Variants in GLCCI1 observed in about 807,000 individuals in gnomAD.
GLCCI1 encodes glucocorticoid-induced transcript 1 protein.
In GLCCI1, 24 loss-of-function variants were observed where a neutral mutation model predicts 52.2. That is an observed-to-expected ratio of 0.46 (90% CI 0.33 to 0.65). The LOEUF is 0.65. Among genes scored for constraint, GLCCI1 ranks in the 30% least tolerant of loss-of-function variants. The pLI, the probability that GLCCI1 is intolerant of heterozygous loss-of-function variation, is 0.02. For missense variants in GLCCI1, 704 were observed against 701.5 expected, an observed-to-expected ratio of 1.00 and a Z score of -0.04; for synonymous variants, 310 against 276.5, an observed-to-expected ratio of 1.12 and a Z score of -1.20.
At chr7:7,982,110 A>G (rs1314532138) in intron 1 of GLCCI1, 2 of 429,556 alleles carry the variant, frequency 4.7e-6, no homozygotes, top group African/African-American at 2.1e-5. Flanking sequence ...AGGAATGGCC[A>G]TTATAGTAAT....
chr7:8,081,611 G>C (rs1782995433), intron 6 of GLCCI1, among the ~76,000 whole-genome samples: 1 of 152,094 alleles, frequency 6.6e-6, no homozygotes, highest in African/African-American at 2.4e-5. Flanking sequence ...ATAAAAATCA[G>C]AAGAATTTCA....
chr7:8,085,656 G>A (rs1211523870), intron 7 of GLCCI1, among the ~76,000 whole-genome samples: 1 of 152,086 alleles, frequency 6.6e-6, no homozygotes, highest in Non-Finnish European at 1.5e-5. Flanking sequence ...TGATGGCTTA[G>A]CTCCTGGGAA....
chr7:7,983,790 A>G (rs932447532), intron 1 of GLCCI1, among the ~76,000 whole-genome samples: 3 of 152,220 alleles, frequency 2.0e-5, no homozygotes, highest in Non-Finnish European at 4.4e-5. Context: ...AAAATGCCTA[A>G]TAGTTTAGGT....
At chr7:7,996,150 C>A (rs1166636266) in intron 1 of GLCCI1, among the ~76,000 whole-genome samples, 1 of 152,094 alleles carries the variant, frequency 6.6e-6, no homozygotes, top group East Asian at 1.9e-4. Context: ...CTTTTGCTTA[C>A]AATATGACTT....
intron 3 of GLCCI1, among the ~76,000 whole-genome samples, chr7:8,045,579 C>T (rs1210506293): frequency 6.6e-6 from 1 of 152,164 alleles, no homozygotes; most frequent in East Asian, 1.9e-4. Context: ...GTGTTTTAGG[C>T]AGTGCAACTA....
At chr7:8,053,198 T>C (rs956191561) in intron 3 of GLCCI1, among the ~76,000 whole-genome samples, 5 of 151,990 alleles carry the variant, frequency 3.3e-5, no homozygotes, top group African/African-American at 1.2e-4. Context: ...TGCTTTAATC[T>C]TCTCTTGGTG....
At chr7:8,019,157 G>A (rs1380981637) in intron 2 of GLCCI1, among the ~76,000 whole-genome samples, 1 of 152,154 alleles carries the variant, frequency 6.6e-6, no homozygotes. Context: ...AGTGATCAGT[G>A]TATAGAACAC....
intron 3 of GLCCI1, among the ~76,000 whole-genome samples, chr7:8,033,598 A>G (rs1277912937): frequency 6.6e-6 from 1 of 152,164 alleles, no homozygotes; most frequent in Non-Finnish European, 1.5e-5. Context: ...ATTTCTGGGT[A>G]GTAGCTATGA....
Position 8,048,260 on chromosome 7 carries a change from A to G in GLCCI1, c.697-7173A>G, listed in dbSNP as rs1782178880. On this transcript the variant is annotated intron_variant, in intron 3 of 7. Transcript: ENST00000223145. Reference sequence around the variant, plus strand: ...GTTAGTGTATCTCTTACTCTCTCTTAGCCTCTAAAATTCTAGAAATAACCT... The same window carrying G: ...GTTAGTGTATCTCTTACTCTCTCTTGGCCTCTAAAATTCTAGAAATAACCT... Among the ~76,000 whole-genome samples the G allele has an allele frequency of 4.6e-5, 7 of 151,550 alleles. No individual in the cohort carries two copies. The South Asian group carries it at 1.3e-3, about 27-fold the overall frequency.
chr7:8,010,992 G>GCA (rs945793273), intron 2 of GLCCI1, among the ~76,000 whole-genome samples: 6 of 151,662 alleles, frequency 4.0e-5, no homozygotes, highest in African/African-American at 1.5e-4. Context: ...GGTAGCCTGT[G>GCA]CTTGTAATCT....
chr7:8,061,101 C>G (rs1172538771), intron 5 of GLCCI1, among the ~76,000 whole-genome samples: 1 of 138,910 alleles, frequency 7.2e-6, no homozygotes, highest in Non-Finnish European at 1.6e-5. Flanking sequence ...TGCTAGTGAT[C>G]TTTTTTTTTT....
At chr7:8,023,076 C>T (rs987505768) in intron 3 of GLCCI1, among the ~76,000 whole-genome samples, 5 of 152,128 alleles carry the variant, frequency 3.3e-5, no homozygotes, top group Admixed American at 1.3e-4. Flanking sequence ...AATGCGGTGG[C>T]GCAATCTTGG....
At chr7:7,995,975 TTGTTGTTG>T (rs1780930525) in intron 1 of GLCCI1, among the ~76,000 whole-genome samples, 1 of 152,178 alleles carries the variant, frequency 6.6e-6, no homozygotes, top group South Asian at 2.1e-4. Flanking sequence ...TTTATAACCT[TTGTTGTTG>T]TGCTCTTGTT....
rs183134402 is a variant in GLCCI1, at chr7:8,075,146, T to C, written c.1177+4015T>C. On this transcript the variant is annotated intron_variant, in intron 6 of 7. Transcript: ENST00000223145. ...CTATAAAATAATTTTGTATTATCAA[T>C]GTGCATCGCACATTGGTTTTTTTCT... 1.8e-3 allele frequency among the ~76,000 whole-genome samples: 275 copies of C among 152,388 alleles called. 1 individual carries two copies. Among genetic ancestry groups the C allele is most frequent in the African/African-American group, 6.3e-3 (261 of 41,600 alleles).
intron 2 of GLCCI1, among the ~76,000 whole-genome samples, chr7:8,005,598 A>G (rs1330022747): frequency 6.6e-6 from 1 of 152,210 alleles, no homozygotes; most frequent in Admixed American, 6.5e-5. Context: ...CTGTTAACCA[A>G]TATAAGCTCC....
At chr7:8,081,843 A>G (rs888456048) in intron 6 of GLCCI1, among the ~76,000 whole-genome samples, 1 of 152,168 alleles carries the variant, frequency 6.6e-6, no homozygotes. Flanking sequence ...CTTGATTTTC[A>G]GAGTTGAGTG....
At chr7:8,023,179 C>G (rs1460571067) in intron 3 of GLCCI1, among the ~76,000 whole-genome samples, 1 of 152,104 alleles carries the variant, frequency 6.6e-6, no homozygotes, top group African/African-American at 2.4e-5. Flanking sequence ...CCACACCTGG[C>G]TAATTTTTTG....
chr7:8,024,151 C>A (rs1198853665), intron 3 of GLCCI1, among the ~76,000 whole-genome samples: 1 of 152,050 alleles, frequency 6.6e-6, no homozygotes, highest in Non-Finnish European at 1.5e-5. Flanking sequence ...AGTTTCCAGG[C>A]CTCTTTGTAT....
At chr7:8,025,788 A>G (rs1781606637) in intron 3 of GLCCI1, among the ~76,000 whole-genome samples, 1 of 152,254 alleles carries the variant, frequency 6.6e-6, no homozygotes, top group Non-Finnish European at 1.5e-5. Flanking sequence ...GATGGGGACC[A>G]TAAGGCCTGA....
Sources: gnomAD v4.1 joint callset for allele counts (sites outside exome capture counted in the v4.1 genomes callset) on GRCh38, gnomAD v4.1.1 for gene constraint, MANE v1.5 for transcripts, NCBI Gene and HGNC (gene_info 2026-07-23, HGNC 2026-07-21) for gene names.